SNX29: variants seen among roughly 807,000 people sequenced by gnomAD.
SNX29 encodes the protein sorting nexin-29.
A neutral mutation model predicts 102.1 loss-of-function variants in SNX29; 78 were observed. That is an observed-to-expected ratio of 0.76 (90% confidence interval 0.64 to 0.92). The LOEUF (loss-of-function observed/expected upper bound fraction) is 0.92. Ranked by LOEUF, SNX29 falls within the 40% of genes least tolerant of loss-of-function variation. SNX29 has a pLI of 0.00. For synonymous variants in SNX29, 580 were observed against 414.5 expected (o/e 1.40, Z -4.85); for missense variants, 1,280 against 1,061.7 (o/e 1.21, Z -2.86).
At chr16:12,261,183 G>GGT (rs2078743268) in intron 14 of SNX29, among the ~76,000 whole-genome samples, 1 of 141,174 alleles carries the variant, frequency 7.1e-6, no homozygotes, top group African/African-American at 2.7e-5. Flanking sequence ...GTGAGTGTTT[G>GGT]CTGAGCTCCG....
At chr16:12,248,052 C>A (rs1351941936) in intron 14 of SNX29, among the ~76,000 whole-genome samples, 1 of 152,226 alleles carries the variant, frequency 6.6e-6, no homozygotes, top group Non-Finnish European at 1.5e-5. Context: ...AGCTTCCCCG[C>A]TGCCCTCCCT....
chr16:12,289,881 T>C (rs1313655785), intron 15 of SNX29, among the ~76,000 whole-genome samples: 1 of 151,854 alleles, frequency 6.6e-6, no homozygotes, highest in Admixed American at 6.6e-5. Context: ...CCTGTCAAGG[T>C]TGGGCTCAGA....
intron 20 of SNX29, among the ~76,000 whole-genome samples, chr16:12,558,125 G>A (rs79907251): frequency 6.6e-5 from 10 of 152,204 alleles, no homozygotes; most frequent in African/African-American, 9.7e-5. Flanking sequence ...AAGACCAGCA[G>A]CATTCAGGGA....
intron 18 of SNX29, among the ~76,000 whole-genome samples, chr16:12,420,779 A>G (rs961516614): frequency 1.3e-5 from 2 of 152,212 alleles, no homozygotes; most frequent in Non-Finnish European, 2.9e-5. Flanking sequence ...GAAATGATGG[A>G]CGCATGAGTC....
At chr16:12,305,704 G>A (rs2080316300) in intron 15 of SNX29, among the ~76,000 whole-genome samples, 1 of 152,086 alleles carries the variant, frequency 6.6e-6, no homozygotes, top group Non-Finnish European at 1.5e-5. Flanking sequence ...AGATGCCTGG[G>A]TGTTGTGTAT....
At chr16:12,002,277 A>G (rs1354085840) in intron 2 of SNX29, among the ~76,000 whole-genome samples, 1 of 151,688 alleles carries the variant, frequency 6.6e-6, no homozygotes, top group Non-Finnish European at 1.5e-5. Flanking sequence ...GAGAAACCCC[A>G]TCTCTACTAA....
intron 16 of SNX29, among the ~76,000 whole-genome samples, chr16:12,378,028 G>A (rs1276687004): frequency 6.6e-6 from 1 of 152,188 alleles, no homozygotes; most frequent in Non-Finnish European, 1.5e-5. Flanking sequence ...GGAAGAAACA[G>A]AGAAGCCAGT....
At chr16:12,263,893 T>A (rs1179254098) in intron 14 of SNX29, among the ~76,000 whole-genome samples, 1 of 152,210 alleles carries the variant, frequency 6.6e-6, no homozygotes, top group East Asian at 1.9e-4. Flanking sequence ...ATGGAGTCTT[T>A]GCCCTTTTGA....
At chr16:12,510,208 AT>A (rs2089551934) in intron 19 of SNX29, among the ~76,000 whole-genome samples, 1 of 152,212 alleles carries the variant, frequency 6.6e-6, no homozygotes, top group Admixed American at 6.5e-5. Flanking sequence ...AGGGTCATGT[AT>A]TCTACTGTGT....
chr16:12,092,004 C>T (rs375976828), intron 11 of SNX29, among the ~76,000 whole-genome samples: 29 of 152,202 alleles, frequency 1.9e-4, no homozygotes, highest in African/African-American at 4.8e-4. Context: ...CAGCCCTACT[C>T]GGCGGAGGTG....
intron 13 of SNX29, among the ~76,000 whole-genome samples, chr16:12,170,405 C>T (rs1013479583): frequency 6.6e-6 from 1 of 151,980 alleles, no homozygotes; most frequent in East Asian, 1.9e-4. Context: ...GGAGCAAAGC[C>T]AGCTCTGGGT....
chr16:12,182,581 C>T (rs186226789), intron 13 of SNX29, among the ~76,000 whole-genome samples: 1 of 152,096 alleles, frequency 6.6e-6, no homozygotes, highest in Non-Finnish European at 1.5e-5. Flanking sequence ...GCTCCGCACC[C>T]CTGCCAACCA....
intron 15 of SNX29, among the ~76,000 whole-genome samples, chr16:12,280,017 G>C (rs1047901026): frequency 6.6e-6 from 1 of 152,150 alleles, no homozygotes; most frequent in Non-Finnish European, 1.5e-5. Context: ...TCCACCTGTG[G>C]GGCTGCTGGG....
intron 7 of SNX29, 75 bp from the exon 8 acceptor site, chr16:12,051,772 A>T: frequency 6.4e-7 from 1 of 1,558,150 alleles, no homozygotes; most frequent in Non-Finnish European, 8.6e-7. Flanking sequence ...CATAACCTGG[A>T]GGTGAGTTGG....
At chr16:12,499,926 C>T (rs534174610) in intron 19 of SNX29, among the ~76,000 whole-genome samples, 1 of 152,174 alleles carries the variant, frequency 6.6e-6, no homozygotes, top group Non-Finnish European at 1.5e-5. Flanking sequence ...ATCCACCTGC[C>T]TCAGTCTCAC....
rs552008863 is a variant in SNX29 at position 12,401,464 on chromosome 16, A to G, written c.1956-1984A>G. ...ACTGCAACCTCTGCCTCCGGGTTCAAGTGATTCTCCTGCCTCAGCCTCCCA... is the reference window on the plus strand; with the variant it reads ...ACTGCAACCTCTGCCTCCGGGTTCAGGTGATTCTCCTGCCTCAGCCTCCCA... On this transcript the variant is annotated intron_variant, in intron 17 of 20. Coordinates refer to ENST00000566228, the MANE Select transcript of SNX29 (RefSeq NM_032167.5). 1.1e-4 allele frequency among the ~76,000 whole-genome samples: 16 copies of G among 149,832 alleles called. No homozygotes were observed. In the East Asian group the frequency reaches 3.2e-3, roughly 30 times the overall value.
intron 15 of SNX29, among the ~76,000 whole-genome samples, chr16:12,318,157 A>G (rs2080813291): frequency 6.6e-6 from 1 of 152,206 alleles, no homozygotes; most frequent in African/African-American, 2.4e-5. Flanking sequence ...CTTCTTCCAG[A>G]GAGGGCGGCA....
intron 4 of SNX29, chr16:12,027,718 A>C: frequency 7.7e-6 from 2 of 259,444 alleles, no homozygotes; most frequent in Non-Finnish European, 1.5e-5. Context: ...GGTTTATTTC[A>C]CCACTGTGGC....
chr16:12,435,026 C>T (rs189719036), intron 18 of SNX29, among the ~76,000 whole-genome samples: 24 of 152,208 alleles, frequency 1.6e-4, no homozygotes, highest in Non-Finnish European at 3.2e-4. Flanking sequence ...TGATCTGTGA[C>T]CAGGTCATAT....
Sources: gnomAD v4.1 joint callset for allele counts (sites outside exome capture counted in the v4.1 genomes callset) on GRCh38, gnomAD v4.1.1 for gene constraint, MANE v1.5 for transcripts, NCBI Gene and HGNC (gene_info 2026-07-23, HGNC 2026-07-21) for gene names.